OLAH: variants seen among roughly 807,000 people sequenced by gnomAD.
OLAH encodes S-acyl fatty acid synthase thioesterase, medium chain.
Under a neutral mutation model 27.8 loss-of-function variants are expected in OLAH, and 33 were observed. The observed-to-expected ratio is 1.19, with a 90% confidence interval of 0.90 to 1.59. OLAH has a LOEUF of 1.59. OLAH is among the 40% of genes most tolerant of loss of function. The pLI, the probability that OLAH is intolerant of heterozygous loss-of-function variation, is 0.00. For synonymous variants in OLAH, 120 were observed against 102.9 expected (o/e 1.17, Z -1.01); for missense variants, 359 against 310.8 (o/e 1.16, Z -1.17).
chr10:15,072,105 T>C (rs966584526), intron 7 of OLAH, among the ~76,000 whole-genome samples: 2 of 152,102 alleles, frequency 1.3e-5, no homozygotes, highest in Non-Finnish European at 2.9e-5. Flanking sequence ...GGCTATTTTT[T>C]GTATTTTTAG....
intron 3 of OLAH, among the ~76,000 whole-genome samples, chr10:15,056,487 T>C (rs535369352): frequency 6.6e-6 from 1 of 152,362 alleles, no homozygotes; most frequent in South Asian, 2.1e-4. Context: ...GCTCTGTGCA[T>C]GAAATTATTC....
At chr10:15,042,849 CTTTTTTTTTTT>C (rs67828197), upstream of OLAH, among the ~76,000 whole-genome samples, 34 of 60,626 alleles carry the variant, frequency 5.6e-4, no homozygotes, top group African/African-American at 2.2e-3. Flanking sequence ...ACCCACGTGT[CTTTTTTTTTTT>C]TTTTTTTTTT....
At chr10:15,071,741 G>C in intron 6 of OLAH, 54 bp from the exon 7 acceptor site, 1 of 1,515,052 alleles carries the variant, frequency 6.6e-7, no homozygotes, top group South Asian at 1.2e-5. Flanking sequence ...AACAGGAAAA[G>C]ATTCTGGGAT....
At chr10:15,039,670 T>C (rs2131329722), upstream of OLAH, among the ~76,000 whole-genome samples, 1 of 152,296 alleles carries the variant, frequency 6.6e-6, no homozygotes, top group Non-Finnish European at 1.5e-5. Flanking sequence ...ATTGTAAGCA[T>C]ACGGACAGCT....
intron 3 of OLAH, among the ~76,000 whole-genome samples, chr10:15,055,507 C>A (rs370100159): frequency 6.6e-6 from 1 of 152,114 alleles, no homozygotes; most frequent in Non-Finnish European, 1.5e-5. Context: ...TGCTGGTAGC[C>A]AACACTCTGA....
intron 1 of OLAH, among the ~76,000 whole-genome samples, chr10:15,046,323 T>TATAAATAAATAA (rs113256684): frequency 0.012 from 1,855 of 149,116 alleles, 34 homozygotes; most frequent in African/African-American, 0.04. Flanking sequence ...CTCAAAAAAA[T>TATAAATAAATAA]ATAAATAAAT....
intron 3 of OLAH, among the ~76,000 whole-genome samples, chr10:15,051,786 T>C (rs1410940404): frequency 2.0e-5 from 3 of 152,162 alleles, no homozygotes; most frequent in Non-Finnish European, 4.4e-5. Context: ...CCTAATCATG[T>C]ATTCTTTGGA....
intron 3 of OLAH, among the ~76,000 whole-genome samples, chr10:15,060,896 T>A (rs1297908471): frequency 1.3e-5 from 2 of 152,200 alleles, no homozygotes; most frequent in Admixed American, 6.5e-5. Flanking sequence ...TGTTAGACTT[T>A]GCTCTAGCAA....
intron 7 of OLAH, 97 bp downstream of exon 7, chr10:15,071,974 C>G: frequency 1.2e-6 from 1 of 853,300 alleles, no homozygotes; most frequent in South Asian, 1.5e-5. Context: ...CGCCCTGTCA[C>G]CCAGGCTGGA....
chr10:15,073,036 T>A, intron 7 of OLAH, 51 bp from the exon 8 acceptor site: 1 of 1,563,552 alleles, frequency 6.4e-7, no homozygotes, highest in Non-Finnish European at 8.8e-7. Flanking sequence ...TTGATGTGAA[T>A]CTTTAGTTGC....
chr10:15,070,780 CTTTTTT>C (rs71390010), intron 6 of OLAH, among the ~76,000 whole-genome samples: 1 of 99,940 alleles, frequency 1.0e-5, no homozygotes, highest in African/African-American at 4.1e-5. Flanking sequence ...CACGCCTGAA[CTTTTTT>C]TTTTTTTTTT....
At chr10:15,065,405 T>A (rs1844447355) in intron 5 of OLAH, 179 bp from the exon 6 acceptor site, 1 of 573,236 alleles carries the variant, frequency 1.7e-6, no homozygotes, top group Admixed American at 3.6e-5. Context: ...TAGTTATTAC[T>A]GATGAGCCTT....
chr10:15,064,043 C>T (rs1023937427), intron 4 of OLAH, among the ~76,000 whole-genome samples: 3 of 152,158 alleles, frequency 2.0e-5, no homozygotes, highest in African/African-American at 4.8e-5. Flanking sequence ...CCTCATGGAC[C>T]ATCCATTAGG....
At chr10:15,043,837 G>C (rs1178333202), upstream of OLAH, 1 of 152,146 alleles carries the variant, frequency 6.6e-6, no homozygotes, top group Non-Finnish European at 1.5e-5. Flanking sequence ...CTGGGCCACA[G>C]CCCATGTCAT....
At chr10:15,036,499 C>T (rs554724168) in intron 1 of OLAH, among the ~76,000 whole-genome samples, 1 of 151,852 alleles carries the variant, frequency 6.6e-6, no homozygotes, top group Admixed American at 6.6e-5. Flanking sequence ...CTCTATCCCC[C>T]CAAAAAAGAG....
chr10:15,037,797 A>C (rs2131327451), intron 1 of OLAH, among the ~76,000 whole-genome samples: 1 of 152,362 alleles, frequency 6.6e-6, no homozygotes, highest in South Asian at 2.1e-4. Flanking sequence ...GATGGGAGGC[A>C]TTAAACTTTT....
chr10:15,033,533 G>A (rs974068923), intron 1 of OLAH, among the ~76,000 whole-genome samples: 2 of 152,012 alleles, frequency 1.3e-5, no homozygotes, highest in Non-Finnish European at 2.9e-5. Flanking sequence ...GGAAGAGAAG[G>A]CAGAGAGAAG....
chr10:15,054,243 G>A (rs1199756592), intron 3 of OLAH, among the ~76,000 whole-genome samples: 2 of 152,040 alleles, frequency 1.3e-5, no homozygotes, highest in Non-Finnish European at 2.9e-5. Context: ...ATTTCACCAT[G>A]TTGGCCAGGC....
intron 4 of OLAH, among the ~76,000 whole-genome samples, chr10:15,062,532 C>A (rs1844387677): frequency 6.6e-6 from 1 of 151,456 alleles, no homozygotes; most frequent in Non-Finnish European, 1.5e-5. Flanking sequence ...CACTTAAAAG[C>A]AATGTACACT....
Sources: gnomAD v4.1 joint callset for allele counts (sites outside exome capture counted in the v4.1 genomes callset) on GRCh38, gnomAD v4.1.1 for gene constraint, MANE v1.5 for transcripts, NCBI Gene and HGNC (gene_info 2026-07-23, HGNC 2026-07-21) for gene names.